Variants in ABCB1 observed in about 807,000 individuals in gnomAD.
ABCB1 encodes ATP-dependent translocase ABCB1.
In ABCB1, 69 loss-of-function variants were observed where a neutral mutation model predicts 142.0. The ratio of observed to expected loss-of-function variants is 0.49; its 90% CI spans 0.40 to 0.59. The LOEUF is 0.59. ABCB1 is among the 20% of genes least tolerant of loss of function. The pLI is 0.00. For missense variants in ABCB1, 1,326 were observed against 1,554.7 expected, an observed-to-expected ratio of 0.85 and a Z score of 2.47; for synonymous variants, 532 against 539.2, an observed-to-expected ratio of 0.99 and a Z score of 0.18.
chr7:87,672,242 T>C (rs908955801), intron 1 of ABCB1, among the ~76,000 whole-genome samples: 1 of 152,210 alleles, frequency 6.6e-6, no homozygotes, highest in African/African-American at 2.4e-5. Context: ...ATCAGGTACC[T>C]GCTTAAAGTA....
At chr7:87,631,296 A>G (rs561267137) in intron 1 of ABCB1, among the ~76,000 whole-genome samples, 1 of 152,374 alleles carries the variant, frequency 6.6e-6, no homozygotes, top group East Asian at 1.9e-4. Context: ...AAAAATGAAT[A>G]AAGCAGTATT....
intron 8 of ABCB1, among the ~76,000 whole-genome samples, chr7:87,560,770 A>G (rs1882479): frequency 0.12 from 18,552 of 152,228 alleles, 1,195 homozygotes; most frequent in South Asian, 0.14. Context: ...ATAAAAGGGA[A>G]CAGTTGTAAG....
chr7:87,520,844 G>A lies in ABCB1; in HGVS notation c.2718C>T (p.Thr906=), dbSNP rs998680730. Residue 906 remains threonine, a synonymous_variant, in exon 22 of 28, where the codon ACC becomes ACT. Transcript: ENST00000622132. ...IATEAIENFR[T]VVSLTQEQKF... is the part of the protein sequence containing the mutation. ...TCTGCTCCTGAGTCAAAGAAACAAC[G>A]GTTCGGAAGTTTTCTATTGCTTCAG... 6.8e-6 allele frequency: 11 copies of A among 1,613,840 alleles called. No individual in the cohort carries two copies. The highest frequency in any genetic ancestry group is 2.2e-5 in the East Asian group (1 of 44,860).
intron 1 of ABCB1, among the ~76,000 whole-genome samples, chr7:87,707,659 G>A (rs1829727115): frequency 6.6e-6 from 1 of 151,870 alleles, no homozygotes; most frequent in Non-Finnish European, 1.5e-5. Context: ...GGGTGATAGA[G>A]CAAGACCCTG....
At chr7:87,658,476 C>T (rs1824346688) in intron 1 of ABCB1, among the ~76,000 whole-genome samples, 1 of 152,124 alleles carries the variant, frequency 6.6e-6, no homozygotes. Flanking sequence ...TGAAAAAGTA[C>T]TCAACAGCTG....
At chr7:87,506,840 A>T (rs1188315675) in intron 26 of ABCB1, among the ~76,000 whole-genome samples, 1 of 152,162 alleles carries the variant, frequency 6.6e-6, no homozygotes, top group Non-Finnish European at 1.5e-5. Context: ...TGGCAACCCT[A>T]GTTTTGTGGC....
chr7:87,680,064 C>T (rs1376442259), intron 1 of ABCB1, among the ~76,000 whole-genome samples: 1 of 150,366 alleles, frequency 6.7e-6, no homozygotes, highest in Admixed American at 6.6e-5. Context: ...ATATGACGTT[C>T]CCCACCCTGT....
chr7:87,591,670 T>C (rs1473458510), intron 3 of ABCB1, among the ~76,000 whole-genome samples: 1 of 152,032 alleles, frequency 6.6e-6, no homozygotes, highest in East Asian at 1.9e-4. Flanking sequence ...GTGAATGAAG[T>C]AGAAGCAATC....
intron 1 of ABCB1, among the ~76,000 whole-genome samples, chr7:87,686,745 A>C (rs1585101291): frequency 6.7e-6 from 1 of 149,414 alleles, no homozygotes; most frequent in Non-Finnish European, 1.5e-5. Context: ...TTTGAGACCC[A>C]CCTGGGCAAC....
intron 14 of ABCB1, 109 bp downstream of exon 14, chr7:87,549,239 C>T: frequency 7.7e-7 from 1 of 1,295,314 alleles, no homozygotes. Flanking sequence ...GAAGGAATCA[C>T]CTAGAAGCTA....
At chr7:87,640,663 C>G (rs2130288768) in intron 1 of ABCB1, among the ~76,000 whole-genome samples, 1 of 152,250 alleles carries the variant, frequency 6.6e-6, no homozygotes, top group South Asian at 2.1e-4. Context: ...TTTTTACACT[C>G]CAATTACATT....
chr7:87,505,790 TA>T, intron 27 of ABCB1, 106 bp downstream of exon 27: 1 of 1,344,610 alleles, frequency 7.4e-7, no homozygotes, highest in Non-Finnish European at 1.1e-6. Flanking sequence ...AAAGGTGATG[TA>T]AGTAACTGTC....
chr7:87,615,023 T>C (rs1819987070), intron 1 of ABCB1, among the ~76,000 whole-genome samples: 1 of 152,116 alleles, frequency 6.6e-6, no homozygotes, highest in South Asian at 2.1e-4. Flanking sequence ...TTTTTTGTAT[T>C]TTTAGTAGAG....
chr7:87,659,682 G>A (rs550426358), intron 1 of ABCB1, among the ~76,000 whole-genome samples: 2 of 152,030 alleles, frequency 1.3e-5, no homozygotes, highest in African/African-American at 2.4e-5. Flanking sequence ...CACACAGTCC[G>A]GGGTATAAGA....
At chr7:87,701,249 G>C (rs1489835295) in intron 1 of ABCB1, among the ~76,000 whole-genome samples, 1 of 152,128 alleles carries the variant, frequency 6.6e-6, no homozygotes, top group African/African-American at 2.4e-5. Flanking sequence ...TTAGGCATTT[G>C]ACAGATATTT....
At chr7:87,694,750 G>T (rs1029782414) in intron 1 of ABCB1, among the ~76,000 whole-genome samples, 3 of 151,960 alleles carry the variant, frequency 2.0e-5, no homozygotes, top group Non-Finnish European at 4.4e-5. Flanking sequence ...TAATAATGCT[G>T]GTGGAAGGGA....
At chr7:87,667,323 TG>T (rs1221295452) in intron 1 of ABCB1, among the ~76,000 whole-genome samples, 1 of 152,182 alleles carries the variant, frequency 6.6e-6, no homozygotes, top group Non-Finnish European at 1.5e-5. Flanking sequence ...TAGTGATTTT[TG>T]TACATTGATT....
intron 1 of ABCB1, among the ~76,000 whole-genome samples, chr7:87,689,004 T>C (rs1040447249): frequency 6.6e-6 from 1 of 152,082 alleles, no homozygotes; most frequent in Non-Finnish European, 1.5e-5. Context: ...TTCTAAACTT[T>C]AGTACACTGG....
At chr7:87,506,455 T>C (rs1271645598) in intron 26 of ABCB1, among the ~76,000 whole-genome samples, 1 of 152,178 alleles carries the variant, frequency 6.6e-6, no homozygotes, top group Non-Finnish European at 1.5e-5. Context: ...CTCTGCATGA[T>C]TTTAAATTGA....
Sources: allele counts gnomAD v4.1 joint callset (sites outside exome capture counted in the v4.1 genomes callset), GRCh38; gene constraint gnomAD v4.1.1; transcripts MANE v1.5; gene names NCBI Gene and HGNC (gene_info 2026-07-23, HGNC 2026-07-21).